Variants in WASHC4 observed in about 807,000 individuals in gnomAD.
WASHC4 encodes WASH complex subunit 4, also known as WASH complex subunit 7.
WASHC4 carries 86 observed loss-of-function variants against 166.6 expected under a neutral mutation model. That is an observed-to-expected ratio of 0.52 (90% CI 0.43 to 0.62). The LOEUF is 0.62. Ranked by LOEUF, WASHC4 falls within the 20% of genes least tolerant of loss-of-function variation. The pLI, the probability that WASHC4 is intolerant of heterozygous loss-of-function variation, is 0.00. For synonymous variants in WASHC4, 446 were observed against 451.6 expected (o/e 0.99, Z 0.16); for missense variants, 1,262 against 1,382.4 (o/e 0.91, Z 1.38).
chr12:105,113,846 T>G (rs1879917789), intron 2 of WASHC4, among the ~76,000 whole-genome samples: 1 of 152,034 alleles, frequency 6.6e-6, no homozygotes, highest in Non-Finnish European at 1.5e-5. Context: ...TTAGCTACAA[T>G]ATCTTATTAA....
intron 31 of WASHC4, 87 bp from the exon 32 acceptor site, chr12:105,164,552 TAA>T: frequency 1.1e-6 from 1 of 947,650 alleles, no homozygotes. Flanking sequence ...TTAAAAATAA[TAA>T]TAAGAGGCAT....
intron 22 of WASHC4, among the ~76,000 whole-genome samples, chr12:105,145,982 T>C (rs907409605): frequency 1.3e-5 from 2 of 152,110 alleles, no homozygotes; most frequent in African/African-American, 4.8e-5. Context: ...AGCTTCTTTT[T>C]TGTCACCTGT....
At chr12:105,123,882 T>C (rs1881023466) in intron 10 of WASHC4, among the ~76,000 whole-genome samples, 1 of 152,162 alleles carries the variant, frequency 6.6e-6, no homozygotes, top group Non-Finnish European at 1.5e-5. Flanking sequence ...CTGAAAATCT[T>C]AGGGCCCTTA....
intron 13 of WASHC4, among the ~76,000 whole-genome samples, chr12:105,131,231 C>T (rs1015905180): frequency 3.0e-4 from 46 of 150,952 alleles, no homozygotes; most frequent in Non-Finnish European, 4.9e-4. Context: ...GGACTACAGG[C>T]GCCCGCCACC....
intron 8 of WASHC4, among the ~76,000 whole-genome samples, 168 bp downstream of exon 8, chr12:105,120,765 A>C (rs1880662154): frequency 6.6e-6 from 1 of 152,038 alleles, no homozygotes; most frequent in Non-Finnish European, 1.5e-5. Flanking sequence ...TGTGAAGTTG[A>C]TGAGTCATTA....
At chr12:105,113,673 A>G (rs992407321) in intron 2 of WASHC4, among the ~76,000 whole-genome samples, 1 of 152,080 alleles carries the variant, frequency 6.6e-6, no homozygotes, top group Non-Finnish European at 1.5e-5. Context: ...CTGAGATTTC[A>G]CTTGATAAAT....
chr12:105,155,823 CAG>C (rs1884120626), intron 26 of WASHC4, among the ~76,000 whole-genome samples: 1 of 152,152 alleles, frequency 6.6e-6, no homozygotes, highest in Non-Finnish European at 1.5e-5. Flanking sequence ...TCCTGGGTGA[CAG>C]AGTGAGACTC....
intron 1 of WASHC4, 60 bp downstream of exon 1, chr12:105,107,921 G>A (rs1052888642): frequency 7.8e-7 from 1 of 1,282,866 alleles, no homozygotes; most frequent in Non-Finnish European, 1.1e-6. Context: ...CCGCTGTTCT[G>A]GGCTGGGCAG....
At chr12:105,115,418 A>C (rs1592843477) in intron 5 of WASHC4, among the ~76,000 whole-genome samples, 189 bp downstream of exon 5, 1 of 152,058 alleles carries the variant, frequency 6.6e-6, no homozygotes, top group Non-Finnish European at 1.5e-5. Flanking sequence ...ATATCTTTGT[A>C]CTTTACGAAG....
At chr12:105,147,317 G>C in intron 24 of WASHC4, 171 bp downstream of exon 24, 1 of 614,512 alleles carries the variant, frequency 1.6e-6, no homozygotes, top group Non-Finnish European at 2.9e-6. Flanking sequence ...AATTGTGTTG[G>C]ATGTGATGGG....
At chr12:105,147,784 A>G (rs1206483164) in intron 24 of WASHC4, 1 of 389,590 alleles carries the variant, frequency 2.6e-6, no homozygotes, top group African/African-American at 2.2e-5. Context: ...GGGCGCCTGT[A>G]ATCCCAGCTG....
chr12:105,139,425 G>GTATATA (rs71069791), intron 15 of WASHC4, among the ~76,000 whole-genome samples: 1,346 of 103,112 alleles, frequency 0.013, 39 homozygotes, highest in Middle Eastern at 0.032. Flanking sequence ...ATGTGTGTGT[G>GTATATA]TATATATATA....
intron 2 of WASHC4, among the ~76,000 whole-genome samples, chr12:105,112,654 A>G (rs1472744809): frequency 6.6e-6 from 1 of 152,158 alleles, no homozygotes. Flanking sequence ...TCTGATGGCT[A>G]ATAATGTTGA....
chr12:105,112,283 AT>A (rs1400169060), intron 2 of WASHC4, among the ~76,000 whole-genome samples: 3 of 152,084 alleles, frequency 2.0e-5, no homozygotes, highest in African/African-American at 7.2e-5. Flanking sequence ...GGATAACCAC[AT>A]TTTATTTATC....
At position 105,156,767 on chromosome 12, in the gene WASHC4, C is replaced by T; in HGVS notation, c.2800C>T (p.Leu934Phe). Residue 934 changes from leucine (L) to phenylalanine (F), a missense_variant, in exon 27 of 33, where the codon CTT (leucine) becomes TTT (phenylalanine). By Grantham distance (22) the Leu-to-Phe change is conservative (BLOSUM62 0). Transcript: ENST00000332180. The stretch of plus-strand genomic sequence containing the variant: ...TGTACGAATGATAAGATCTGGTGGT[C>T]TTCATTGTAGCAGCAATGCCATTAG... Reference protein sequence around the residue: ...GYVRMIRSGGLHCSSNAIRFV... With the variant: ...GYVRMIRSGGFHCSSNAIRFV... 1 of 1,612,556 alleles carries T rather than the reference C, an allele frequency of 6.2e-7. No homozygotes were observed. The highest frequency in any genetic ancestry group is 8.5e-7 in the Non-Finnish European group (1 of 1,179,138).
chr12:105,115,589 T>A, intron 5 of WASHC4, 72 bp from the exon 6 acceptor site: 1 of 1,143,612 alleles, frequency 8.7e-7, no homozygotes. Flanking sequence ...AAAAAACTTT[T>A]CCCCCTTTTT....
chr12:105,128,340 A>G (rs547425047), intron 13 of WASHC4, among the ~76,000 whole-genome samples: 4 of 152,384 alleles, frequency 2.6e-5, no homozygotes, highest in Admixed American at 2.6e-4. Flanking sequence ...AGCTGAATTA[A>G]GTAATACAAG....
intron 30 of WASHC4, among the ~76,000 whole-genome samples, chr12:105,163,541 AC>A (rs1566032542): frequency 6.6e-6 from 1 of 151,258 alleles, no homozygotes; most frequent in African/African-American, 2.4e-5. Flanking sequence ...TTGCTCTGTC[AC>A]CCAGGCTGGA....
chr12:105,164,721 A>G lies in WASHC4; in HGVS notation c.3435A>G (p.Gln1145=). The G allele has an allele frequency of 3.1e-6, 5 of 1,612,552 alleles. No homozygotes were observed. Among genetic ancestry groups the G allele is most frequent in the Non-Finnish European group, 4.2e-6 (5 of 1,178,990 alleles). The change falls in exon 32 of 33, where the codon CAA becomes CAG. Residue 1145 remains glutamine, a synonymous_variant. Coordinates refer to ENST00000332180, the MANE Select transcript of WASHC4 (RefSeq NM_015275.3). The part of the protein sequence containing the change: ...RADKTAAEEN[Q]EKKEKEEETK... ...ACAAGACTGCGGCTGAAGAAAACCA[A>G]GAAAAGAAAGAGAAGGAAGGTCAGT...
Sources: gnomAD v4.1 joint callset for allele counts (sites outside exome capture counted in the v4.1 genomes callset) on GRCh38, gnomAD v4.1.1 for gene constraint, MANE v1.5 for transcripts, NCBI Gene and HGNC (gene_info 2026-07-23, HGNC 2026-07-21) for gene names.